MSN: variants seen among roughly 807,000 people sequenced by gnomAD.
MSN encodes epididymis luminal protein 70.
In MSN, 2 loss-of-function variants were observed where a neutral mutation model predicts 48.0. That is an observed-to-expected ratio of 0.04 (90% CI 0.02 to 0.13). MSN has a LOEUF of 0.13. Among genes scored for constraint, MSN ranks in the 10% least tolerant of loss-of-function variants. The pLI is 1.00. For missense variants in MSN, 267 were observed against 470.1 expected, an observed-to-expected ratio of 0.57 and a Z score of 3.99; for synonymous variants, 146 against 166.9, an observed-to-expected ratio of 0.87 and a Z score of 0.97.
chrX:65,637,971 C>T (rs2070618969), intron 1 of MSN, among the ~76,000 whole-genome samples: 1 of 111,989 alleles, frequency 8.9e-6, no homozygotes, highest in South Asian at 3.7e-4. Flanking sequence ...TTGTTTATTG[C>T]CCGTCTTCCC....
intron 1 of MSN, chrX:65,625,286 C>G (rs1471723611): frequency 8.9e-6 from 1 of 111,850 alleles, no homozygotes; most frequent in African/African-American, 3.2e-5. Context: ...ATGGAGTGTT[C>G]TATATTTGTT....
At chrX:65,645,378 G>A (rs1218584863) in intron 1 of MSN, among the ~76,000 whole-genome samples, 3 of 110,441 alleles carry the variant, frequency 2.7e-5, no homozygotes, top group Non-Finnish European at 5.7e-5. Flanking sequence ...CCCAGGTCTC[G>A]ATAGCACAGA....
chrX:65,738,443 C>T (rs1377151355), intron 10 of MSN, 82 bp from the exon 11 acceptor site: 1 of 831,176 alleles, frequency 1.2e-6, no homozygotes, highest in Non-Finnish European at 1.7e-6. Flanking sequence ...CCTTACTAGT[C>T]CCCCAGGGGA....
chrX:65,727,980 T>G lies in MSN; in HGVS notation c.192+71T>G, dbSNP rs747912251. The G allele has an allele frequency of 1.7e-5, 17 of 982,555 alleles. No individual in the cohort carries two copies. In the South Asian group the frequency reaches 3.3e-4, roughly 19 times the overall value. 81.0% of individuals were successfully genotyped at this position (982,555 alleles called of 1,213,427 possible). A position where few individuals can be genotyped will look rare whatever the true frequency, so the allele number is the denominator to read the frequency against. ...AGAACATTCCTGGGAGGGTACCATG[T>G]GCTAGTTGGCAAATCCTGGATACCT... On this transcript the variant is annotated intron_variant, in intron 3 of 12. Transcript: ENST00000360270.
At chrX:65,675,239 A>G (rs1182293353) in intron 1 of MSN, among the ~76,000 whole-genome samples, 1 of 112,130 alleles carries the variant, frequency 8.9e-6, no homozygotes, top group African/African-American at 3.2e-5. Flanking sequence ...CTCCTATTTA[A>G]TTGGGGATTT....
intron 1 of MSN, among the ~76,000 whole-genome samples, chrX:65,646,497 A>G (rs936494392): frequency 1.8e-5 from 2 of 111,708 alleles, no homozygotes; most frequent in Non-Finnish European, 3.8e-5. Flanking sequence ...ATGGCTTCCA[A>G]ACTGAGTTCT....
intron 1 of MSN, among the ~76,000 whole-genome samples, chrX:65,643,778 G>A (rs755284362): frequency 9.0e-6 from 1 of 111,476 alleles, no homozygotes; most frequent in Admixed American, 9.6e-5. Context: ...GGGAAGGTAT[G>A]GTATTACTCC....
intron 1 of MSN, among the ~76,000 whole-genome samples, chrX:65,616,448 A>G (rs2070372713): frequency 1.4e-5 from 1 of 72,154 alleles, no homozygotes; most frequent in African/African-American, 5.2e-5. Context: ...ATTCCTAGGT[A>G]TTTTATTCTC....
chrX:65,739,639 G>C (rs770453223), intron 12 of MSN, 90 bp from the exon 13 acceptor site: 2 of 994,939 alleles, frequency 2.0e-6, no homozygotes, highest in East Asian at 6.2e-5. Context: ...GAAGAAAGAA[G>C]GAAACAGAAG....
chrX:65,677,173 C>T (rs1416407079), intron 1 of MSN, among the ~76,000 whole-genome samples: 1 of 111,298 alleles, frequency 9.0e-6, no homozygotes, highest in African/African-American at 3.3e-5. Flanking sequence ...TTTGATGAAG[C>T]TCACCAAGAG....
chrX:65,727,755 G>T (rs1276955218), intron 2 of MSN, 59 bp from the exon 3 acceptor site: 75 of 989,362 alleles, frequency 7.6e-5, no homozygotes, highest in Non-Finnish European at 1.1e-4. Context: ...TGTGTCCTCT[G>T]TGCCTCACAC....
chrX:65,708,111 A>C (rs935865140), intron 1 of MSN, among the ~76,000 whole-genome samples: 1 of 110,892 alleles, frequency 9.0e-6, no homozygotes, highest in Non-Finnish European at 1.9e-5. Flanking sequence ...TGGTCTCCCA[A>C]AGTGTTGGGA....
intron 1 of MSN, among the ~76,000 whole-genome samples, chrX:65,605,247 A>G (rs2070269174): frequency 1.8e-5 from 2 of 112,748 alleles, no homozygotes; most frequent in African/African-American, 6.5e-5. Context: ...TTTCCTGCCA[A>G]AGAAACATGG....
chrX:65,721,277 T>C (rs1391325572), intron 2 of MSN, among the ~76,000 whole-genome samples: 1 of 112,645 alleles, frequency 8.9e-6, no homozygotes, highest in Admixed American at 9.4e-5. Context: ...TCTGTCCTGT[T>C]ACTTCGCTGT....
chrX:65,632,961 C>T (rs770022029), intron 1 of MSN, among the ~76,000 whole-genome samples: 1 of 111,521 alleles, frequency 9.0e-6, no homozygotes, highest in East Asian at 2.8e-4. Flanking sequence ...AGAAGTAATC[C>T]TCAGCTAAGC....
chrX:65,724,752 T>A (rs2071551083), intron 2 of MSN, among the ~76,000 whole-genome samples: 1 of 111,468 alleles, frequency 9.0e-6, no homozygotes, highest in African/African-American at 3.3e-5. Context: ...AGTGGTGCAA[T>A]CTCAGCTCAC....
At chrX:65,721,583 C>T (rs1487535157) in intron 2 of MSN, among the ~76,000 whole-genome samples, 4 of 109,485 alleles carry the variant, frequency 3.7e-5, no homozygotes, top group Non-Finnish European at 7.6e-5. Context: ...TATAAAATAA[C>T]TAACATATAT....
At chrX:65,660,489 C>G (rs1377438035) in intron 1 of MSN, among the ~76,000 whole-genome samples, 1 of 110,978 alleles carries the variant, frequency 9.0e-6, no homozygotes, top group Non-Finnish European at 1.9e-5. Context: ...CTTTATCTTG[C>G]CTGATTGCTC....
At chrX:65,725,488 C>T in intron 2 of MSN, among the ~76,000 whole-genome samples, 1 of 110,624 alleles carries the variant, frequency 9.0e-6, no homozygotes, top group Non-Finnish European at 1.9e-5. Context: ...TCTGGACACA[C>T]TATTCTTCTG....
Sources: gnomAD v4.1 joint callset for allele counts (sites outside exome capture counted in the v4.1 genomes callset) on GRCh38, gnomAD v4.1.1 for gene constraint, MANE v1.5 for transcripts, NCBI Gene and HGNC (gene_info 2026-07-23, HGNC 2026-07-21) for gene names.